SLC24A2: variants seen among roughly 807,000 people sequenced by gnomAD.
SLC24A2 encodes solute carrier family 24 member 2.
Under a neutral mutation model 62.0 loss-of-function variants are expected in SLC24A2, and 36 were observed. That is an observed-to-expected ratio of 0.58 (90% CI 0.44 to 0.77). SLC24A2 has a LOEUF of 0.77. SLC24A2 is among the 30% of genes least tolerant of loss of function. The probability of loss-of-function intolerance (pLI) is 0.00; values close to 1 mark genes in which losing one functional copy is unlikely to be tolerated. For missense variants in SLC24A2, 846 were observed against 817.9 expected (o/e 1.03, Z -0.42); for synonymous variants, 358 against 294.0 (o/e 1.22, Z -2.23).
At chr9:19,680,746 A>G (rs2118389245) in intron 2 of SLC24A2, among the ~76,000 whole-genome samples, 1 of 152,178 alleles carries the variant, frequency 6.6e-6, no homozygotes, top group East Asian at 1.9e-4. Flanking sequence ...TTGAAAACTC[A>G]ATTTCACAAT....
the SLC24A2 span, among the ~76,000 whole-genome samples, chr9:19,884,248 TA>T: frequency 1.4e-5 from 2 of 145,254 alleles, no homozygotes; most frequent in African/African-American, 5.1e-5. Flanking sequence ...AATTAATTTT[TA>T]AGAAATTCAG....
At chr9:20,258,804 C>CTATCTATCATCTATCT in the SLC24A2 span, among the ~76,000 whole-genome samples, 4 of 124,260 alleles carry the variant, frequency 3.2e-5, no homozygotes, top group African/African-American at 1.1e-4. Context: ...ATCTATCTAT[C>CTATCTATCATCTATCT]TATCTATCTA....
At chr9:19,566,068 G>C (rs1272897245) in intron 7 of SLC24A2, among the ~76,000 whole-genome samples, 3 of 152,162 alleles carry the variant, frequency 2.0e-5, no homozygotes. Context: ...AGGACTTCAT[G>C]TCTAAAACAC....
At chr9:19,902,240 C>G in the SLC24A2 span, among the ~76,000 whole-genome samples, 1 of 152,156 alleles carries the variant, frequency 6.6e-6, no homozygotes, top group Non-Finnish European at 1.5e-5. Flanking sequence ...TTTAAGGCTT[C>G]TCTGGGTTCC....
chr9:19,945,010 C>A, the SLC24A2 span, among the ~76,000 whole-genome samples: 3 of 152,140 alleles, frequency 2.0e-5, no homozygotes, highest in Non-Finnish European at 4.4e-5. Flanking sequence ...CTCTTTTGTG[C>A]ATACAGAGTG....
chr9:20,285,370 T>A, the SLC24A2 span, among the ~76,000 whole-genome samples: 1 of 152,180 alleles, frequency 6.6e-6, no homozygotes, highest in African/African-American at 2.4e-5. Flanking sequence ...GCAGAGTGAA[T>A]CGGCAAGCTG....
Position 19,788,935 on chromosome 9 carries a change from G to A in SLC24A2, c.-204C>T. 1.0e-6 allele frequency: 1 copy of A among 985,148 alleles called. No individual in the cohort carries two copies. Among genetic ancestry groups the A allele is most frequent in the Non-Finnish European group, 1.2e-6 (1 of 829,692 alleles). 61.0% of individuals were successfully genotyped at this position (985,148 alleles called of 1,614,324 possible). On this transcript the variant is annotated 5_prime_UTR_variant, in exon 1 of 11. Transcript: ENST00000341998. The stretch of plus-strand genomic sequence containing the variant: ...ACGGCGGGGCCCCCGAGCGCGGCCC[G>A]CCGCTCCAGTCCGCCGGCCCTCCGC...
At chr9:20,109,410 A>G in the SLC24A2 span, among the ~76,000 whole-genome samples, 1 of 152,192 alleles carries the variant, frequency 6.6e-6, no homozygotes, top group Non-Finnish European at 1.5e-5. Flanking sequence ...CTAACTGACA[A>G]GAGTGGTTCA....
the SLC24A2 span, among the ~76,000 whole-genome samples, chr9:20,129,380 T>C: frequency 6.6e-6 from 1 of 152,150 alleles, no homozygotes; most frequent in Non-Finnish European, 1.5e-5. Flanking sequence ...TGAAAACTGT[T>C]TGATACATTA....
chr9:20,083,305 C>T, the SLC24A2 span, among the ~76,000 whole-genome samples: 2 of 152,174 alleles, frequency 1.3e-5, no homozygotes, highest in African/African-American at 2.4e-5. Flanking sequence ...TTCCACCTTC[C>T]CAGCAGTTGC....
intron 8 of SLC24A2, among the ~76,000 whole-genome samples, chr9:19,539,267 T>G (rs1451380568): frequency 1.6e-5 from 1 of 63,420 alleles, no homozygotes; most frequent in Non-Finnish European, 2.9e-5. Flanking sequence ...TGTTTGCTCT[T>G]GCTTTTCTAG....
intron 8 of SLC24A2, among the ~76,000 whole-genome samples, chr9:19,542,622 T>G (rs1834333007): frequency 6.6e-6 from 1 of 152,230 alleles, no homozygotes; most frequent in Admixed American, 6.5e-5. Context: ...AGTGCCTACT[T>G]TATTGAGAAT....
chr9:20,110,019 G>A, the SLC24A2 span, among the ~76,000 whole-genome samples: 1 of 151,816 alleles, frequency 6.6e-6, no homozygotes, highest in African/African-American at 2.4e-5. Context: ...ATATATACAG[G>A]GTTAATTTTT....
the SLC24A2 span, among the ~76,000 whole-genome samples, chr9:19,950,403 A>C: frequency 2.0e-5 from 3 of 152,212 alleles, no homozygotes; most frequent in Non-Finnish European, 4.4e-5. Flanking sequence ...CAGGGCCAGC[A>C]AGGTTTTTGC....
chr9:20,213,957 C>A, the SLC24A2 span, among the ~76,000 whole-genome samples: 61 of 152,188 alleles, frequency 4.0e-4, no homozygotes, highest in Admixed American at 2.9e-3. Context: ...CGGCATCATG[C>A]AGTATTTGTT....
At chr9:19,718,284 C>T (rs1409250374) in intron 2 of SLC24A2, among the ~76,000 whole-genome samples, 13 of 55,724 alleles carry the variant, frequency 2.3e-4, no homozygotes, top group East Asian at 1.2e-3. Flanking sequence ...TGATTTAACA[C>T]TTTTTTTTTT....
At chr9:19,785,879 A>G (rs2118945849) in intron 2 of SLC24A2, 58 bp downstream of exon 2, 2 of 1,611,578 alleles carry the variant, frequency 1.2e-6, no homozygotes, top group South Asian at 1.1e-5. Flanking sequence ...TCTCAAAAAC[A>G]TAATAATTCA....
the SLC24A2 span, among the ~76,000 whole-genome samples, chr9:20,086,146 A>G: frequency 3.3e-5 from 5 of 152,120 alleles, no homozygotes; most frequent in Non-Finnish European, 7.4e-5. Context: ...AAATCTCCTA[A>G]TATGTTCATA....
the SLC24A2 span, among the ~76,000 whole-genome samples, chr9:20,281,710 C>A: frequency 6.6e-6 from 1 of 152,110 alleles, no homozygotes. Context: ...ATAGTAGATC[C>A]ATTCATTCTA....
Sources: gnomAD v4.1 joint callset for allele counts (sites outside exome capture counted in the v4.1 genomes callset) on GRCh38, gnomAD v4.1.1 for gene constraint, MANE v1.5 for transcripts, NCBI Gene and HGNC (gene_info 2026-07-23, HGNC 2026-07-21) for gene names.